CAMSAP2: variants seen among roughly 807,000 people sequenced by gnomAD.
The protein encoded by CAMSAP2 is calmodulin regulated spectrin associated protein family member 2.
CAMSAP2 carries 26 observed loss-of-function variants against 146.1 expected under a neutral mutation model. The observed-to-expected ratio is 0.18, with a 90% CI of 0.13 to 0.25. CAMSAP2 has a LOEUF of 0.25. Among genes scored for constraint, CAMSAP2 ranks in the 10% least tolerant of loss-of-function variants. The probability of loss-of-function intolerance (pLI) is 1.00; values close to 1 mark genes in which losing one functional copy is unlikely to be tolerated. For missense variants in CAMSAP2, 1,381 were observed against 1,759.3 expected (o/e 0.78, Z 3.85); for synonymous variants, 499 against 596.6 (o/e 0.84, Z 2.38).
chr1:200,776,817 A>G (rs1427750230), intron 2 of CAMSAP2, among the ~76,000 whole-genome samples: 1 of 152,204 alleles, frequency 6.6e-6, no homozygotes, highest in Admixed American at 6.5e-5. Flanking sequence ...ATGGCATTTA[A>G]TGCTTCTGAA....
At chr1:200,788,698 A>T (rs1486196020) in intron 2 of CAMSAP2, among the ~76,000 whole-genome samples, 1 of 149,406 alleles carries the variant, frequency 6.7e-6, no homozygotes. Context: ...TGGAAGTGCA[A>T]TGGCACAATC....
At chr1:200,805,547 T>C (rs577249089) in intron 2 of CAMSAP2, among the ~76,000 whole-genome samples, 6 of 152,274 alleles carry the variant, frequency 3.9e-5, no homozygotes, top group Admixed American at 3.9e-4. Flanking sequence ...GGAAGCTGTT[T>C]AAAAATACCA....
intron 1 of CAMSAP2, among the ~76,000 whole-genome samples, chr1:200,742,202 G>A (rs531636095): frequency 8.5e-5 from 13 of 152,300 alleles, no homozygotes; most frequent in South Asian, 2.1e-4. Context: ...ACTCTATACC[G>A]TTCTGCAGAG....
At chr1:200,757,767 A>G (rs1664691088) in intron 1 of CAMSAP2, among the ~76,000 whole-genome samples, 1 of 152,198 alleles carries the variant, frequency 6.6e-6, no homozygotes, top group South Asian at 2.1e-4. Flanking sequence ...CATTCTCTTG[A>G]GGGCTGAAAA....
chr1:200,748,146 A>G (rs1399229601), intron 1 of CAMSAP2, among the ~76,000 whole-genome samples: 1 of 152,168 alleles, frequency 6.6e-6, no homozygotes, highest in Non-Finnish European at 1.5e-5. Context: ...GAAAATCTCA[A>G]ATATATACAA....
intron 2 of CAMSAP2, among the ~76,000 whole-genome samples, chr1:200,806,765 GTATCTATCTATCTATCTATC>G (rs149381434): frequency 4.5e-4 from 63 of 140,224 alleles, no homozygotes; most frequent in African/African-American, 1.2e-3. Flanking sequence ...GTGTGTGTGT[GTATCTATCTATCTATCTATC>G]TATCTATCTA....
chr1:200,816,517 C>A (rs1223921254), intron 4 of CAMSAP2, among the ~76,000 whole-genome samples: 1 of 138,776 alleles, frequency 7.2e-6, no homozygotes, highest in Non-Finnish European at 1.6e-5. Context: ...TCGCTTGAAC[C>A]CAGGAGGCGG....
intron 12 of CAMSAP2, 116 bp downstream of exon 12, chr1:200,852,793 T>C: frequency 8.8e-7 from 1 of 1,135,386 alleles, no homozygotes; most frequent in Non-Finnish European, 1.2e-6. Flanking sequence ...TATTAACAGA[T>C]TTCTTTCAGA....
intron 11 of CAMSAP2, 126 bp downstream of exon 11, chr1:200,850,360 C>T: frequency 1.3e-6 from 1 of 756,710 alleles, no homozygotes; most frequent in South Asian, 2.3e-5. Context: ...CAAGTTCATC[C>T]CCATTAACTA....
At chr1:200,825,529 C>T (rs1666883049) in intron 4 of CAMSAP2, among the ~76,000 whole-genome samples, 1 of 144,280 alleles carries the variant, frequency 6.9e-6, no homozygotes, top group Non-Finnish European at 1.5e-5. Context: ...TTTTTTGAGA[C>T]AGAGTCTTGC....
At chr1:200,840,107 G>C (rs2102232742) in intron 6 of CAMSAP2, among the ~76,000 whole-genome samples, 1 of 152,144 alleles carries the variant, frequency 6.6e-6, no homozygotes, top group East Asian at 1.9e-4. Context: ...TAATACTCCA[G>C]ACTCTTACAC....
intron 2 of CAMSAP2, among the ~76,000 whole-genome samples, chr1:200,778,794 G>T (rs549261823): frequency 6.6e-6 from 1 of 152,126 alleles, no homozygotes; most frequent in East Asian, 1.9e-4. Flanking sequence ...TATATTAATA[G>T]TTGGATTGTA....
rs542037358 is a variant in CAMSAP2 at position 200,806,792 on chromosome 1, T to A, written c.400-584T>A. Among the ~76,000 whole-genome samples the A allele has an allele frequency of 2.6e-5, 4 of 151,774 alleles. No individual in the cohort carries two copies. In the South Asian group the frequency reaches 8.3e-4, roughly 32 times the overall value. On this transcript the variant is annotated intron_variant, in intron 2 of 16. Transcript: ENST00000358823. The stretch of plus-strand genomic sequence containing the variant: ...ATCTATCTATCTATCTATCTATCTA[T>A]CTATCTATCTATCTATCTATCTATG...
Position 200,859,218 on chromosome 1 carries a change from T to G in CAMSAP2, c.*1159T>G, listed in dbSNP as rs144054434. 31 of 152,734 alleles carry G rather than the reference T, an allele frequency of 2.0e-4. No individual in the cohort carries two copies. The highest frequency in any genetic ancestry group is 7.5e-4 in the African/African-American group (31 of 41,558). 9.5% of individuals were successfully genotyped at this position (152,734 alleles called of 1,614,324 possible). The stretch of plus-strand genomic sequence containing the variant: ...ACCAGAGGGTTAGTTGGGGAAAAAC[T>G]TCATTCTCAGGAAAAGACTTGAATG... On this transcript the variant is annotated 3_prime_UTR_variant, in exon 17 of 17. Coordinates refer to ENST00000358823, the MANE Select transcript of CAMSAP2 (RefSeq NM_203459.4).
chr1:200,774,855 A>T (rs746724453), intron 2 of CAMSAP2, among the ~76,000 whole-genome samples: 1 of 152,216 alleles, frequency 6.6e-6, no homozygotes, highest in Non-Finnish European at 1.5e-5. Flanking sequence ...GGAATTTGAA[A>T]GTGTAGAGTC....
intron 1 of CAMSAP2, among the ~76,000 whole-genome samples, chr1:200,750,823 T>C (rs577127054): frequency 7.3e-5 from 11 of 151,576 alleles, no homozygotes; most frequent in African/African-American, 2.7e-4. Context: ...AGACCGGGTT[T>C]CATGATGTTG....
At chr1:200,758,656 T>G (rs939072940) in intron 1 of CAMSAP2, among the ~76,000 whole-genome samples, 7 of 152,242 alleles carry the variant, frequency 4.6e-5, no homozygotes, top group Non-Finnish European at 4.4e-5. Flanking sequence ...ATATTTCCAC[T>G]TGGATATTTT....
At chr1:200,816,803 CGT>C (rs1477631675) in intron 4 of CAMSAP2, among the ~76,000 whole-genome samples, 3 of 91,428 alleles carry the variant, frequency 3.3e-5, no homozygotes, top group African/African-American at 9.5e-5. Flanking sequence ...CACACACACG[CGT>C]GTATATATGT....
At chr1:200,810,900 A>C (rs1205041179) in intron 3 of CAMSAP2, among the ~76,000 whole-genome samples, 2 of 152,056 alleles carry the variant, frequency 1.3e-5, no homozygotes, top group African/African-American at 4.8e-5. Flanking sequence ...AAAAAAAACC[A>C]AAAAACAGAC....
Sources: allele counts gnomAD v4.1 joint callset (sites outside exome capture counted in the v4.1 genomes callset), GRCh38; gene constraint gnomAD v4.1.1; transcripts MANE v1.5; gene names NCBI Gene and HGNC (gene_info 2026-07-23, HGNC 2026-07-21).